LSAMP: variants seen among roughly 807,000 people sequenced by gnomAD.
LSAMP encodes the protein limbic system associated membrane protein, also known as limbic system-associated membrane protein.
In LSAMP, 7 loss-of-function variants were observed where a neutral mutation model predicts 38.6. The observed-to-expected ratio is 0.18, with a 90% CI of 0.10 to 0.34. The LOEUF is 0.34. Ranked by LOEUF, LSAMP falls within the 10% of genes least tolerant of loss-of-function variation. The pLI, the probability that LSAMP is intolerant of heterozygous loss-of-function variation, is 1.00. For synonymous variants in LSAMP, 154 were observed against 166.8 expected (o/e 0.92, Z 0.59); for missense variants, 313 against 420.0 (o/e 0.75, Z 2.23).
intron 1 of LSAMP, among the ~76,000 whole-genome samples, chr3:116,331,435 T>A (rs965579618): frequency 1.3e-5 from 2 of 152,138 alleles, no homozygotes; most frequent in Admixed American, 6.5e-5. Context: ...TCAAAGAGCC[T>A]CAAGATAAGA....
At chr3:115,869,566 C>T (rs536145323) in intron 3 of LSAMP, among the ~76,000 whole-genome samples, 1 of 152,078 alleles carries the variant, frequency 6.6e-6, no homozygotes, top group African/African-American at 2.4e-5. Context: ...TTGCTCTTAC[C>T]ATTAATATTC....
intron 1 of LSAMP, among the ~76,000 whole-genome samples, chr3:116,220,573 C>T (rs1315528069): frequency 6.6e-6 from 1 of 152,092 alleles, no homozygotes. Flanking sequence ...TTGGAGATGG[C>T]ACATAGTTTG....
chr3:115,959,438 T>C (rs1298116517), intron 3 of LSAMP, among the ~76,000 whole-genome samples: 2 of 152,196 alleles, frequency 1.3e-5, no homozygotes, highest in Non-Finnish European at 2.9e-5. Flanking sequence ...ATCTGTGCTG[T>C]ATAAGAGTTT....
chr3:116,077,234 C>T (rs561887845), intron 2 of LSAMP, among the ~76,000 whole-genome samples: 1 of 151,842 alleles, frequency 6.6e-6, no homozygotes, highest in East Asian at 1.9e-4. Flanking sequence ...TGACTATAGC[C>T]CCTAAACTAA....
At chr3:115,903,840 T>C (rs1341513972) in intron 3 of LSAMP, among the ~76,000 whole-genome samples, 10 of 152,180 alleles carry the variant, frequency 6.6e-5, no homozygotes, top group Admixed American at 6.6e-4. Context: ...TTTGGTAAAC[T>C]CTTATTTAAA....
chr3:116,378,417 T>C (rs1199280287), intron 1 of LSAMP, among the ~76,000 whole-genome samples: 3 of 152,186 alleles, frequency 2.0e-5, no homozygotes, highest in South Asian at 4.1e-4. Context: ...CTTTCTTTTG[T>C]AGGTATGAAG....
chr3:116,380,010 T>C (rs757054734), intron 1 of LSAMP, among the ~76,000 whole-genome samples: 2 of 152,048 alleles, frequency 1.3e-5, no homozygotes, highest in Non-Finnish European at 2.9e-5. Context: ...AACACTACCA[T>C]ATACTGTGTA....
At chr3:116,211,800 G>A (rs1016568260) in intron 1 of LSAMP, among the ~76,000 whole-genome samples, 4 of 152,166 alleles carry the variant, frequency 2.6e-5, no homozygotes, top group African/African-American at 9.7e-5. Context: ...CATCACAAAG[G>A]AAGAAACCTA....
chr3:116,259,663 T>C (rs1040233964), intron 1 of LSAMP, among the ~76,000 whole-genome samples: 2 of 152,174 alleles, frequency 1.3e-5, no homozygotes, highest in Non-Finnish European at 2.9e-5. Flanking sequence ...TGTGTAGCTG[T>C]GGTGCTGGTG....
intron 1 of LSAMP, among the ~76,000 whole-genome samples, chr3:116,337,642 C>T (rs983061831): frequency 7.9e-5 from 12 of 152,028 alleles, no homozygotes; most frequent in Non-Finnish European, 1.5e-4. Flanking sequence ...CACTTAACAA[C>T]ATCAAACTTC....
chr3:115,861,130 TTTCC>T (rs369018115), intron 3 of LSAMP, among the ~76,000 whole-genome samples: 1,953 of 64,172 alleles, frequency 0.03, 22 homozygotes, highest in Non-Finnish European at 0.034. Flanking sequence ...TCCTTCTTTC[TTTCC>T]TTCCTTCCTT....
Position 115,810,245 on chromosome 3 carries a change from G to T in LSAMP, c.*72C>A. On this transcript the variant is annotated 3_prime_UTR_variant, in exon 7 of 7. Transcript: ENST00000490035. Reference sequence around the variant, plus strand: ...CATCTCTCTCTCTCTCTCTCTCTCTGTCTCTCTCTCTCTGTATTCTGTGTG... The same window carrying T: ...CATCTCTCTCTCTCTCTCTCTCTCTTTCTCTCTCTCTCTGTATTCTGTGTG... 1.2e-6 allele frequency: 1 copy of T among 839,594 alleles called. No homozygotes were observed. Among genetic ancestry groups the T allele is most frequent in the Non-Finnish European group, 1.8e-6 (1 of 548,964 alleles). 52.0% of individuals were successfully genotyped at this position (839,594 alleles called of 1,614,324 possible).
intron 2 of LSAMP, among the ~76,000 whole-genome samples, chr3:116,033,529 C>A (rs960066604): frequency 6.6e-6 from 1 of 152,138 alleles, no homozygotes. Flanking sequence ...CTCGTGGCTC[C>A]CGGTCTCACA....
intron 3 of LSAMP, among the ~76,000 whole-genome samples, chr3:115,894,120 C>T (rs145510079): frequency 7.2e-5 from 11 of 152,166 alleles, no homozygotes; most frequent in Admixed American, 2.6e-4. Context: ...ACTCTTTATT[C>T]CATCAACCAT....
At chr3:116,241,028 T>G (rs2046525795) in intron 1 of LSAMP, among the ~76,000 whole-genome samples, 3 of 151,852 alleles carry the variant, frequency 2.0e-5, no homozygotes, top group Admixed American at 2.0e-4. Context: ...ATACAAACAA[T>G]TAGCCGGGCA....
chr3:116,255,015 G>A (rs2046731882), intron 1 of LSAMP, among the ~76,000 whole-genome samples: 1 of 152,066 alleles, frequency 6.6e-6, no homozygotes, highest in Non-Finnish European at 1.5e-5. Flanking sequence ...TTGCTCTTTG[G>A]TCTTAATATA....
At position 115,807,753 on chromosome 3, in the gene LSAMP, C is replaced by T. The variant is rs1189818102; in HGVS notation, c.*2564G>A. The T allele has an allele frequency of 6.6e-6, 1 of 152,072 alleles. No individual in the cohort carries two copies. Among genetic ancestry groups the T allele is most frequent in the East Asian group, 1.9e-4 (1 of 5,192 alleles). The allele number at this position is 152,072 out of a possible 1,614,324, so 9.4% of individuals were successfully genotyped here. ...GGAATGCTTATTATTAAAGATGATA[C>T]CCTTTATTCTTGAACTAAGAAGACC... On this transcript the variant is annotated 3_prime_UTR_variant, in exon 7 of 7. Coordinates refer to ENST00000490035, the MANE Select transcript of LSAMP (RefSeq NM_002338.5).
At chr3:116,243,043 T>A (rs560918093) in intron 1 of LSAMP, among the ~76,000 whole-genome samples, 4 of 152,150 alleles carry the variant, frequency 2.6e-5, no homozygotes, top group Non-Finnish European at 4.4e-5. Flanking sequence ...AACCAGGGGA[T>A]GACAAGGCAA....
chr3:115,876,282 T>G (rs1936178491), intron 3 of LSAMP, among the ~76,000 whole-genome samples: 1 of 141,836 alleles, frequency 7.1e-6, no homozygotes, highest in African/African-American at 2.9e-5. Context: ...AAAAAGCTTT[T>G]TTTTTTTTTT....
Sources: gnomAD v4.1 joint callset for allele counts (sites outside exome capture counted in the v4.1 genomes callset) on GRCh38, gnomAD v4.1.1 for gene constraint, MANE v1.5 for transcripts, NCBI Gene and HGNC (gene_info 2026-07-23, HGNC 2026-07-21) for gene names.